The following FAS variants were observed in gnomAD, a reference collection of about 807,000 sequenced individuals.
The protein encoded by FAS is Fas cell surface death receptor.
Under a neutral mutation model 33.2 loss-of-function variants are expected in FAS, and 5 were observed. The observed-to-expected ratio is 0.15, with a 90% CI of 0.08 to 0.32. FAS has a LOEUF of 0.32. Among genes scored for constraint, FAS ranks in the 10% least tolerant of loss-of-function variants. The pLI is 1.00. For synonymous variants in FAS, 131 were observed against 130.7 expected, an observed-to-expected ratio of 1.00 and a Z score of -0.01; for missense variants, 339 against 386.0, an observed-to-expected ratio of 0.88 and a Z score of 1.02.
chr10:88,996,198 T>TC (rs1847578922), intron 1 of FAS, among the ~76,000 whole-genome samples: 1 of 97,936 alleles, frequency 1.0e-5, no homozygotes, highest in African/African-American at 6.3e-5. Context: ...TGAAGACTCT[T>TC]GTTTTTTTGC....
Position 88,990,954 on chromosome 10 carries a change from G to A in FAS, c.30+48G>A. On this transcript the variant is annotated intron_variant, in intron 1 of 8. Coordinates refer to ENST00000652046, the MANE Select transcript of FAS (RefSeq NM_000043.6). This position sits in a 1 kb window ranked among gnomAD's most constrained non-coding sequence, Gnocchi z 4.9. The stretch of plus-strand genomic sequence containing the variant: ...GGAGGCTTACCCCGTCTTAGTCCCG[G>A]GGATAGGCAAAGTGGGGCGGGCGCG... 6.2e-7 allele frequency: 1 copy of A among 1,613,774 alleles called. No homozygotes were observed. Among genetic ancestry groups the A allele is most frequent in the Non-Finnish European group, 8.5e-7 (1 of 1,179,730 alleles).
Position 89,015,214 on chromosome 10 carries a change from C to G in FAS, c.*764C>G, listed in dbSNP as rs967999281. 11 of 534,680 alleles carry G rather than the reference C, an allele frequency of 2.1e-5. No individual in the cohort carries two copies. In the East Asian group the frequency reaches 2.7e-4, roughly 13 times the overall value. 33.1% of individuals were successfully genotyped at this position (534,680 alleles called of 1,614,324 possible). A position where few individuals can be genotyped will look rare whatever the true frequency, so the allele number is the denominator to read the frequency against. On this transcript the variant is annotated 3_prime_UTR_variant, in exon 9 of 9. Coordinates refer to ENST00000652046, the MANE Select transcript of FAS (RefSeq NM_000043.6). ...AGCTTTGCCACCTCTCCATTTTTGC[C>G]TTGGTGCTCATCTTAATGGCCTAAT... is the stretch of plus-strand genomic sequence containing the variant.
At chr10:89,003,822 T>C (rs1024937962) in intron 2 of FAS, among the ~76,000 whole-genome samples, 2 of 152,096 alleles carry the variant, frequency 1.3e-5, no homozygotes, top group Admixed American at 6.5e-5. Context: ...TTCTTCAACT[T>C]TGAGTAGAGT....
At chr10:89,001,742 C>T (rs755294825) in intron 1 of FAS, among the ~76,000 whole-genome samples, 1 of 152,146 alleles carries the variant, frequency 6.6e-6, no homozygotes, top group Non-Finnish European at 1.5e-5. Context: ...TTCTTGTCAT[C>T]GGATACAAAG....
Position 89,001,067 on chromosome 10 carries a change from AAAC to A in FAS, c.31-1950_31-1948del, listed in dbSNP as rs1352563065. 3.3e-5 allele frequency among the ~76,000 whole-genome samples: 5 copies of A among 152,260 alleles called. No homozygotes were observed. The South Asian group carries it at 8.3e-4, about 25-fold the overall frequency. ...ACTCCGTCTAAAACAAAACAAAACA[AAAC>A]AACAACAACAAAAACAAAGTAAAAC... On this transcript the variant is annotated intron_variant, in intron 1 of 8. Transcript: ENST00000652046.
intron 1 of FAS, among the ~76,000 whole-genome samples, chr10:88,969,467 G>A (rs750666192): frequency 6.6e-6 from 1 of 152,224 alleles, no homozygotes; most frequent in Admixed American, 6.5e-5. Flanking sequence ...CATTGGCATA[G>A]TCTCTGTTGT....
chr10:89,015,482 A>T lies in FAS; in HGVS notation c.*1032A>T, dbSNP rs1048589509. The T allele has an allele frequency of 1.9e-6, 1 of 534,808 alleles. No homozygotes were observed. Among genetic ancestry groups the T allele is most frequent in the Non-Finnish European group, 3.6e-6 (1 of 276,734 alleles). The allele number at this position is 534,808 out of a possible 1,614,324, so 33.1% of individuals were successfully genotyped here. The stretch of plus-strand genomic sequence containing the variant: ...ACCTGCTACAAATGGCAGCTTATAC[A>T]TAGCAATGGTAAAATCATCATCTGG... On this transcript the variant is annotated 3_prime_UTR_variant, in exon 9 of 9. Coordinates refer to ENST00000652046, the MANE Select transcript of FAS (RefSeq NM_000043.6).
At chr10:88,990,748 T>C (rs770692828), upstream of FAS, 146 of 1,168,486 alleles carry the variant, frequency 1.2e-4, no homozygotes, top group Non-Finnish European at 1.8e-4. The surrounding 1 kb of genome is among the most constrained non-coding windows in gnomAD (Gnocchi z 4.9). Flanking sequence ...GGGCGGGCAC[T>C]GGCACGGAAC....
At chr10:89,011,674 C>T (rs1017998409) in intron 6 of FAS, among the ~76,000 whole-genome samples, 3 of 152,200 alleles carry the variant, frequency 2.0e-5, no homozygotes, top group African/African-American at 7.2e-5. Context: ...TGTCCTACGG[C>T]TTCTGCATCC....
upstream of FAS, chr10:88,990,752 A>ACGG (rs1322049356): frequency 1.1e-5 from 13 of 1,230,104 alleles, no homozygotes; most frequent in Non-Finnish European, 1.5e-5. The surrounding 1 kb of genome is among the most constrained non-coding windows in gnomAD (Gnocchi z 4.9). Flanking sequence ...GGGCACTGGC[A>ACGG]CGGAACACAC....
At chr10:89,012,374 C>T in intron 7 of FAS, 1 of 332,956 alleles carries the variant, frequency 3.0e-6, no homozygotes, top group South Asian at 2.7e-5. Flanking sequence ...AGACAGGGTT[C>T]ACTTTGTTGC....
At chr10:89,008,435 T>A (rs1157814120) in intron 3 of FAS, among the ~76,000 whole-genome samples, 1 of 152,204 alleles carries the variant, frequency 6.6e-6, no homozygotes, top group African/African-American at 2.4e-5. Flanking sequence ...TGGCAGTGCA[T>A]TAGAATTGCT....
At chr10:88,967,377 C>T (rs767966438) in intron 1 of FAS, among the ~76,000 whole-genome samples, 1 of 152,136 alleles carries the variant, frequency 6.6e-6, no homozygotes, top group Non-Finnish European at 1.5e-5. Context: ...CTTGGCAAAT[C>T]ATCTAGCATC....
At chr10:89,011,951 T>C in intron 6 of FAS, 48 bp from the exon 7 acceptor site, 2 of 1,485,038 alleles carry the variant, frequency 1.3e-6, no homozygotes, top group Non-Finnish European at 1.9e-6. Context: ...CTCACATGCA[T>C]TCTACAAGGC....
chr10:89,010,541 G>T lies in FAS; in HGVS notation c.446G>T (p.Cys149Phe). ...TTCTCCTGTATTTTTTTTTCTAGAT[G>T]TGAACATGGAATCATCAAGGAATGC... is the stretch of plus-strand genomic sequence containing the variant. ...VCEHCDPCTK[C>F]EHGIIKECTL... Residue 149 changes from cysteine to phenylalanine, a missense_variant and splice_region_variant, in exon 5 of 9, where the codon TGT (cysteine) becomes TTT (phenylalanine). By Grantham distance (205) the Cys-to-Phe change is radical. Coordinates refer to ENST00000652046, the MANE Select transcript of FAS (RefSeq NM_000043.6). The T allele has an allele frequency of 6.2e-7, 1 of 1,612,356 alleles. No homozygotes were observed. Among genetic ancestry groups the T allele is most frequent in the Non-Finnish European group, 8.5e-7 (1 of 1,178,786 alleles).
At chr10:88,996,041 T>G (rs1847568064) in intron 1 of FAS, among the ~76,000 whole-genome samples, 1 of 152,226 alleles carries the variant, frequency 6.6e-6, no homozygotes, top group Non-Finnish European at 1.5e-5. Flanking sequence ...AGCCTGTCCT[T>G]CAATGAAGTC....
chr10:89,000,972 G>A (rs138920603), intron 1 of FAS, among the ~76,000 whole-genome samples: 193 of 152,334 alleles, frequency 1.3e-3, no homozygotes, highest in African/African-American at 4.4e-3. Context: ...CTTGAATGCC[G>A]GAGGCAGAGG....
In FAS at chr10:89,015,071, T is replaced by C. The variant is rs1049267995; in HGVS notation, c.*621T>C. 1.9e-6 allele frequency: 1 copy of C among 534,454 alleles called. No homozygotes were observed. Among genetic ancestry groups the C allele is most frequent in the Non-Finnish European group, 3.6e-6 (1 of 276,448 alleles). 33.1% of individuals were successfully genotyped at this position (534,454 alleles called of 1,614,324 possible). Reference sequence around the variant, plus strand: ...ACAATATTTCAATTGTGAATTCACATAGAAAACATTAAATTATAATGTTTG... The same window carrying C: ...ACAATATTTCAATTGTGAATTCACACAGAAAACATTAAATTATAATGTTTG... On this transcript the variant is annotated 3_prime_UTR_variant, in exon 9 of 9. Transcript: ENST00000652046.
intron 1 of FAS, among the ~76,000 whole-genome samples, chr10:88,969,938 T>C (rs1846394611): frequency 6.6e-6 from 1 of 152,148 alleles, no homozygotes; most frequent in African/African-American, 2.4e-5. Flanking sequence ...GTTGAATGAA[T>C]GAATGAACGA....
Sources: gnomAD v4.1 joint callset for allele counts (sites outside exome capture counted in the v4.1 genomes callset) on GRCh38, gnomAD v4.1.1 for gene constraint, Gnocchi (gnomAD v3.1) non-coding constraint, MANE v1.5 for transcripts, NCBI Gene and HGNC (gene_info 2026-07-23, HGNC 2026-07-21) for gene names.